The following EHBP1 variants were observed in gnomAD, a reference collection of about 807,000 sequenced individuals.
The protein encoded by EHBP1 is EH domain binding protein 1.
EHBP1 carries 55 observed loss-of-function variants against 144.0 expected under a neutral mutation model. The ratio of observed to expected loss-of-function variants is 0.38; its 90% CI spans 0.31 to 0.48. EHBP1 has a LOEUF of 0.48. Among genes scored for constraint, EHBP1 ranks in the 20% least tolerant of loss-of-function variants. The pLI is 0.98. For missense variants in EHBP1, 1,200 were observed against 1,364.2 expected (o/e 0.88, Z 1.90); for synonymous variants, 469 against 472.7 (o/e 0.99, Z 0.10).
intron 2 of EHBP1, among the ~76,000 whole-genome samples, chr2:62,728,728 TTTTCA>T (rs1353215537): frequency 4.6e-5 from 7 of 152,110 alleles, no homozygotes; most frequent in African/African-American, 1.7e-4. Context: ...AAGGGCTTAA[TTTTCA>T]TAAAATGTAG....
chr2:62,926,222 A>G (rs2055496160), intron 10 of EHBP1, among the ~76,000 whole-genome samples: 1 of 152,102 alleles, frequency 6.6e-6, no homozygotes, highest in Non-Finnish European at 1.5e-5. Context: ...ACCTCTCAAA[A>G]TGGATCAAAG....
At chr2:62,912,919 C>T (rs1404077273) in intron 10 of EHBP1, among the ~76,000 whole-genome samples, 10 of 152,220 alleles carry the variant, frequency 6.6e-5, no homozygotes, top group Non-Finnish European at 1.2e-4. Context: ...TGTTTATGGT[C>T]GGTAGTAAAA....
At chr2:62,920,773 C>T (rs2055010845) in intron 10 of EHBP1, among the ~76,000 whole-genome samples, 1 of 152,044 alleles carries the variant, frequency 6.6e-6, no homozygotes. Flanking sequence ...GGCAATTCTC[C>T]TGCCTCAGCC....
intron 10 of EHBP1, among the ~76,000 whole-genome samples, chr2:62,939,463 TG>T (rs2056604895): frequency 2.0e-5 from 3 of 152,104 alleles, no homozygotes; most frequent in African/African-American, 7.2e-5. Context: ...TTAGTACAGG[TG>T]GGGTTTCACC....
Position 62,779,429 on chromosome 2 carries a change from C to A in EHBP1, c.312+8037C>A, listed in dbSNP as rs1039793688. Reference sequence around the variant, plus strand: ...TTGTGTGGAGGGAAACCAGTCCTTTCCTTACCCTATTGACTGCAGTTTCGT... The same window carrying A: ...TTGTGTGGAGGGAAACCAGTCCTTTACTTACCCTATTGACTGCAGTTTCGT... On this transcript the variant is annotated intron_variant, in intron 5 of 22. Transcript: ENST00000431489. Among the ~76,000 whole-genome samples, 3 of 152,186 alleles carry A rather than the reference C, an allele frequency of 2.0e-5. 1 individual carries two copies. Among genetic ancestry groups the A allele is most frequent in the Non-Finnish European group, 4.4e-5 (3 of 68,024 alleles).
At chr2:62,696,508 C>CTTTTTTTTTTTTTTTTTTTTTTTTTTTT (rs869081763) in intron 1 of EHBP1, among the ~76,000 whole-genome samples, 19 of 76,750 alleles carry the variant, frequency 2.5e-4, no homozygotes, top group Admixed American at 3.8e-4. Context: ...TTTTTTTCTT[C>CTTTTTTTTTTTTTTTTTTTTTTTTTTTT]TTTTTTTTTT....
chr2:62,955,880 G>T, intron 14 of EHBP1: 1 of 393,378 alleles, frequency 2.5e-6, no homozygotes, highest in Non-Finnish European at 4.5e-6. Context: ...AGTAAGATCT[G>T]GGAATATAAT....
chr2:63,033,833 G>T (rs892523338), intron 19 of EHBP1, among the ~76,000 whole-genome samples: 1 of 152,220 alleles, frequency 6.6e-6, no homozygotes, highest in Middle Eastern at 3.4e-3. Flanking sequence ...AGTTAACACT[G>T]ACTATTGCAT....
At chr2:62,824,287 A>G (rs1340767253) in intron 5 of EHBP1, among the ~76,000 whole-genome samples, 1 of 152,022 alleles carries the variant, frequency 6.6e-6, no homozygotes, top group Non-Finnish European at 1.5e-5. Context: ...TGTGAAACAG[A>G]TTTGTTTAAC....
chr2:62,780,637 G>T (rs2042358431), intron 5 of EHBP1, among the ~76,000 whole-genome samples: 1 of 152,058 alleles, frequency 6.6e-6, no homozygotes, highest in Non-Finnish European at 1.5e-5. Flanking sequence ...TAAAAAAAGA[G>T]GTATGCCTAA....
intron 1 of EHBP1, chr2:62,674,202 ATG>A (rs912463887): frequency 1.1e-4 from 50 of 462,900 alleles, no homozygotes; most frequent in East Asian, 2.8e-4. Flanking sequence ...ATGTGTGTGT[ATG>A]TGTGTGTGTG....
chr2:62,740,600 C>G (rs1022441847), intron 2 of EHBP1, among the ~76,000 whole-genome samples: 3 of 152,140 alleles, frequency 2.0e-5, no homozygotes, highest in Non-Finnish European at 4.4e-5. Context: ...GTCCTTTTCC[C>G]TAAAAGAAAT....
chr2:62,795,382 T>C (rs2043465516), intron 5 of EHBP1, among the ~76,000 whole-genome samples: 2 of 152,120 alleles, frequency 1.3e-5, no homozygotes, highest in Non-Finnish European at 2.9e-5. Context: ...TATTTCATGA[T>C]TTATCAACTT....
intron 5 of EHBP1, among the ~76,000 whole-genome samples, chr2:62,792,255 A>G (rs967165164): frequency 2.0e-5 from 3 of 152,062 alleles, no homozygotes; most frequent in African/African-American, 7.2e-5. Context: ...CTACAGAATG[A>G]TGGTACTATA....
chr2:62,755,051 T>C (rs550108855), intron 3 of EHBP1, among the ~76,000 whole-genome samples: 1 of 152,324 alleles, frequency 6.6e-6, no homozygotes, highest in South Asian at 2.1e-4. Context: ...CAGTTGGAAA[T>C]GCAGAAATCA....
chr2:62,843,830 T>C (rs1397367267), intron 7 of EHBP1, among the ~76,000 whole-genome samples: 1 of 152,174 alleles, frequency 6.6e-6, no homozygotes, highest in East Asian at 1.9e-4. Flanking sequence ...TTTATAAGCA[T>C]GGTTACAAAT....
rs940641654 is a variant in EHBP1, at chr2:63,041,108, G to C, written c.3277+2292G>C. ...CACCAGGAGAACAGCATAGAATATTGATAACCATGGCACATTGAAAGAAAT... is the reference window on the plus strand; with the variant it reads ...CACCAGGAGAACAGCATAGAATATTCATAACCATGGCACATTGAAAGAAAT... On this transcript the variant is annotated intron_variant, in intron 21 of 22. Coordinates refer to ENST00000431489, the MANE Select transcript of EHBP1 (RefSeq NM_001142616.3). 2.0e-5 allele frequency among the ~76,000 whole-genome samples: 3 copies of C among 152,152 alleles called. No homozygotes were observed. In the Middle Eastern group the frequency reaches 0.01, roughly 518 times the overall value.
intron 7 of EHBP1, 149 bp from the exon 8 acceptor site, chr2:62,859,020 C>A: frequency 3.1e-6 from 2 of 640,338 alleles, no homozygotes; most frequent in Non-Finnish European, 4.8e-6. Flanking sequence ...CTACAAAATA[C>A]TTGAATGGCA....
chr2:62,985,656 T>C (rs2059157009), intron 15 of EHBP1, among the ~76,000 whole-genome samples: 1 of 152,202 alleles, frequency 6.6e-6, no homozygotes, highest in Non-Finnish European at 1.5e-5. Context: ...AATAGGACTT[T>C]ACACCATTCT....
Sources: allele counts gnomAD v4.1 joint callset (sites outside exome capture counted in the v4.1 genomes callset), GRCh38; gene constraint gnomAD v4.1.1; transcripts MANE v1.5; gene names NCBI Gene and HGNC (gene_info 2026-07-23, HGNC 2026-07-21).